The following STXBP5 variants were observed in gnomAD, a reference collection of about 807,000 sequenced individuals.
STXBP5 encodes the protein syntaxin binding protein 5.
STXBP5 carries 50 observed loss-of-function variants against 152.4 expected under a neutral mutation model. The ratio of observed to expected loss-of-function variants is 0.33; its 90% CI spans 0.26 to 0.42. The LOEUF is 0.42. STXBP5 is among the 10% of genes least tolerant of loss of function. The pLI, the probability that STXBP5 is intolerant of heterozygous loss-of-function variation, is 1.00. For synonymous variants in STXBP5, 492 were observed against 494.7 expected, an observed-to-expected ratio of 0.99 and a Z score of 0.07; for missense variants, 1,167 against 1,388.6, an observed-to-expected ratio of 0.84 and a Z score of 2.54.
intron 7 of STXBP5, among the ~76,000 whole-genome samples, chr6:147,275,091 C>T (rs1337591200): frequency 6.6e-6 from 1 of 152,084 alleles, no homozygotes; most frequent in Non-Finnish European, 1.5e-5. Context: ...AAGATGCTGT[C>T]TTGTCTAATA....
In STXBP5 at chr6:147,306,676, C is replaced by T. The variant is rs552793624; in HGVS notation, c.918-3408C>T. Reference sequence around the variant, plus strand: ...GGCCTGTTAGTTCCTCAGGTACACCCAGCTCGTTTCTGACCTCTGGTCTTT... The same window carrying T: ...GGCCTGTTAGTTCCTCAGGTACACCTAGCTCGTTTCTGACCTCTGGTCTTT... On this transcript the variant is annotated intron_variant, in intron 9 of 27. Transcript: ENST00000321680. Among the ~76,000 whole-genome samples the T allele has an allele frequency of 3.3e-5, 5 of 152,324 alleles. No individual in the cohort carries two copies. The South Asian group carries it at 8.3e-4, about 25-fold the overall frequency.
chr6:147,275,674 C>A (rs1780408034), intron 7 of STXBP5, among the ~76,000 whole-genome samples: 1 of 150,436 alleles, frequency 6.6e-6, no homozygotes, highest in South Asian at 2.1e-4. Context: ...TCTCCTGCCT[C>A]AGCCTCCCGA....
intron 26 of STXBP5, among the ~76,000 whole-genome samples, chr6:147,375,809 A>T (rs917672823): frequency 2.0e-5 from 3 of 152,046 alleles, no homozygotes; most frequent in Admixed American, 6.6e-5. Context: ...GAGAAAAATT[A>T]TAGATATTTT....
At chr6:147,344,917 G>A (rs1784254729) in intron 21 of STXBP5, among the ~76,000 whole-genome samples, 1 of 152,182 alleles carries the variant, frequency 6.6e-6, no homozygotes, top group South Asian at 2.1e-4. Flanking sequence ...TTGGAAAGCA[G>A]ATGGGTCAGG....
chr6:147,387,187 A>ATC lies in STXBP5; in HGVS notation c.*2432_*2433insTC, dbSNP rs2128425768. ...TTATACTTGATTCTGTCTGTAGATA[A>ATC]GAGACAGTCTACAGTAATAACTAAC... On this transcript the variant is annotated 3_prime_UTR_variant, in exon 28 of 28. Coordinates refer to ENST00000321680, the MANE Select transcript of STXBP5 (RefSeq NM_001127715.4). 1 of 151,850 alleles carries ATC rather than the reference A, an allele frequency of 6.6e-6. No homozygotes were observed. Among genetic ancestry groups the ATC allele is most frequent in the African/African-American group, 2.4e-5 (1 of 41,516 alleles). The allele number at this position is 151,850 out of a possible 1,614,324, so 9.4% of individuals were successfully genotyped here. A position where few individuals can be genotyped will look rare whatever the true frequency, so the allele number is the denominator to read the frequency against.
intron 7 of STXBP5, among the ~76,000 whole-genome samples, 190 bp from the exon 8 acceptor site, chr6:147,277,891 A>C (rs1336876404): frequency 6.6e-6 from 1 of 152,194 alleles, no homozygotes. Context: ...GAATTAAAAC[A>C]GTGTTAATAT....
chr6:147,316,099 C>A, intron 15 of STXBP5, 130 bp from the exon 16 acceptor site: 1 of 930,384 alleles, frequency 1.1e-6, no homozygotes, highest in Non-Finnish European at 1.6e-6. Flanking sequence ...TGAAATCTTG[C>A]TAAATTTTTA....
At chr6:147,229,749 GT>G (rs1050354870) in intron 2 of STXBP5, among the ~76,000 whole-genome samples, 1 of 151,212 alleles carries the variant, frequency 6.6e-6, no homozygotes, top group Admixed American at 6.6e-5. Flanking sequence ...ATTCATTCCA[GT>G]TTTTTTTAGT....
chr6:147,271,976 A>G (rs1181565702), intron 7 of STXBP5, among the ~76,000 whole-genome samples: 1 of 152,172 alleles, frequency 6.6e-6, no homozygotes, highest in Non-Finnish European at 1.5e-5. Flanking sequence ...TGATAAGGAA[A>G]TATGTACTTA....
chr6:147,247,776 A>G (rs1778883083), intron 4 of STXBP5, among the ~76,000 whole-genome samples: 1 of 152,192 alleles, frequency 6.6e-6, no homozygotes, highest in Non-Finnish European at 1.5e-5. Flanking sequence ...ATAGATTTTT[A>G]GGGGCTGGTA....
chr6:147,235,449 A>G (rs148517886), intron 3 of STXBP5, 118 bp downstream of exon 3: 8,424 of 737,812 alleles, frequency 0.011, 79 homozygotes, highest in South Asian at 0.017. Flanking sequence ...ATTAATTTAT[A>G]ATGGATCAGA....
At chr6:147,315,061 A>G (rs1582931593) in intron 14 of STXBP5, among the ~76,000 whole-genome samples, 1 of 150,216 alleles carries the variant, frequency 6.7e-6, no homozygotes, top group Non-Finnish European at 1.5e-5. Flanking sequence ...TTAATGTTTC[A>G]AAACACACAT....
chr6:147,346,851 TTC>T (rs1784361460), intron 21 of STXBP5, among the ~76,000 whole-genome samples: 1 of 152,160 alleles, frequency 6.6e-6, no homozygotes, highest in Non-Finnish European at 1.5e-5. Context: ...AACTTAGTAT[TTC>T]CAGGCATTGA....
intron 2 of STXBP5, among the ~76,000 whole-genome samples, chr6:147,233,867 CTACTACTACTAT>C (rs1778137193): frequency 6.7e-6 from 1 of 150,000 alleles, no homozygotes; most frequent in Admixed American, 6.7e-5. Flanking sequence ...ATGACTACTA[CTACTACTACTAT>C]TACTACTACT....
intron 4 of STXBP5, among the ~76,000 whole-genome samples, chr6:147,254,357 C>T (rs1459302509): frequency 2.6e-5 from 4 of 152,150 alleles, no homozygotes; most frequent in Non-Finnish European, 4.4e-5. Context: ...AAAACCTATT[C>T]AAAACCATTC....
At chr6:147,300,797 G>T (rs1293231139) in intron 9 of STXBP5, among the ~76,000 whole-genome samples, 2 of 151,858 alleles carry the variant, frequency 1.3e-5, no homozygotes, top group African/African-American at 4.8e-5. Context: ...AGCCAAAATA[G>T]AAAAATGGAA....
At chr6:147,383,834 G>T (rs564399895) in intron 27 of STXBP5, among the ~76,000 whole-genome samples, 1 of 151,996 alleles carries the variant, frequency 6.6e-6, no homozygotes, top group Non-Finnish European at 1.5e-5. Context: ...AATCTAGAAT[G>T]CATGAAGAGG....
chr6:147,341,408 T>C (rs564924175), intron 21 of STXBP5, among the ~76,000 whole-genome samples: 1 of 151,662 alleles, frequency 6.6e-6, no homozygotes, highest in Non-Finnish European at 1.5e-5. Flanking sequence ...ACTCACCGTA[T>C]CATCCGATCT....
intron 4 of STXBP5, among the ~76,000 whole-genome samples, chr6:147,258,503 G>A (rs1027569667): frequency 2.0e-5 from 3 of 151,798 alleles, no homozygotes. Context: ...AGTGGATCTC[G>A]GCTCACTGCA....
Sources: gnomAD v4.1 joint callset for allele counts (sites outside exome capture counted in the v4.1 genomes callset) on GRCh38, gnomAD v4.1.1 for gene constraint, MANE v1.5 for transcripts, NCBI Gene and HGNC (gene_info 2026-07-23, HGNC 2026-07-21) for gene names.